Variants in DTHD1 observed in about 807,000 individuals in gnomAD.
The protein encoded by DTHD1 is death domain containing 1.
In DTHD1, 59 loss-of-function variants were observed where a neutral mutation model predicts 74.8. That is an observed-to-expected ratio of 0.79 (90% CI 0.64 to 0.98). The LOEUF (loss-of-function observed/expected upper bound fraction) is 0.98. Ranked by LOEUF, DTHD1 falls within the 50% of genes least tolerant of loss-of-function variation. The probability of loss-of-function intolerance (pLI) is 0.00; values close to 1 mark genes in which losing one functional copy is unlikely to be tolerated. For missense variants in DTHD1, 1,051 were observed against 1,065.4 expected, an observed-to-expected ratio of 0.99 and a Z score of 0.19; for synonymous variants, 365 against 371.1, an observed-to-expected ratio of 0.98 and a Z score of 0.19.
intron 2 of DTHD1, among the ~76,000 whole-genome samples, chr4:36,289,262 G>T (rs1317288805): frequency 6.6e-6 from 1 of 152,114 alleles, no homozygotes; most frequent in Non-Finnish European, 1.5e-5. Flanking sequence ...TTTTAATGTA[G>T]AAAATCAGAA....
In DTHD1 at chr4:36,284,047, A is replaced by G; in HGVS notation, c.343A>G (p.Lys115Glu). The change falls in exon 2 of 10, where the codon AAA becomes GAA. Residue 115 changes from lysine to glutamate, a missense_variant. Transcript: ENST00000639862. ...GGGGAGCACTGCTGCACTTCTAAAG[A>G]AAGAAGAAAAGGAGATTTGTAATTT... ...HLGSTAALLK[K>E]EEKEICNLCG... is the part of the protein sequence containing the mutation. 1 of 1,537,224 alleles carries G rather than the reference A, an allele frequency of 6.5e-7. No individual in the cohort carries two copies. Among genetic ancestry groups the G allele is most frequent in the Non-Finnish European group, 8.7e-7 (1 of 1,146,880 alleles).
intron 8 of DTHD1, among the ~76,000 whole-genome samples, chr4:36,327,482 AAT>A: frequency 6.6e-6 from 1 of 152,316 alleles, no homozygotes; most frequent in Non-Finnish European, 1.5e-5. Flanking sequence ...TTTAAGAAGT[AAT>A]AGCGTCTTCC....
intron 7 of DTHD1, among the ~76,000 whole-genome samples, chr4:36,313,427 A>AAG (rs1478685406): frequency 2.0e-5 from 3 of 151,786 alleles, no homozygotes; most frequent in African/African-American, 4.8e-5. Context: ...GAAAAAAAAA[A>AAG]AAAAACAGAG....
chr4:36,290,943 C>A (rs55854099), intron 3 of DTHD1, among the ~76,000 whole-genome samples: 1 of 152,140 alleles, frequency 6.6e-6, no homozygotes, highest in Non-Finnish European at 1.5e-5. Context: ...TTATTTTTTT[C>A]ACCTAGGAAA....
intron 8 of DTHD1, among the ~76,000 whole-genome samples, chr4:36,330,511 AT>A (rs1758600847): frequency 6.6e-6 from 1 of 152,182 alleles, no homozygotes; most frequent in Non-Finnish European, 1.5e-5. Flanking sequence ...TATATGCCAT[AT>A]TATACTTCAA....
chr4:36,342,187 A>G (rs1186776481), intron 9 of DTHD1, among the ~76,000 whole-genome samples: 1 of 152,208 alleles, frequency 6.6e-6, no homozygotes, highest in Non-Finnish European at 1.5e-5. Flanking sequence ...CCCAGATAAC[A>G]TGGACTTCAA....
chr4:36,328,827 T>A lies in DTHD1; in HGVS notation c.2341-10285T>A, dbSNP rs567512438. Reference sequence around the variant, plus strand: ...CAGCCCCTATTCCCTATTTTCCTACTGACTCAATATTTTTTTTCTTTTTGC... The same window carrying A: ...CAGCCCCTATTCCCTATTTTCCTACAGACTCAATATTTTTTTTCTTTTTGC... On this transcript the variant is annotated intron_variant, in intron 8 of 9. Transcript: ENST00000639862. Among the ~76,000 whole-genome samples, 8 of 152,350 alleles carry A rather than the reference T, an allele frequency of 5.3e-5. No homozygotes were observed. In the East Asian group the frequency reaches 1.5e-3, roughly 29 times the overall value.
At chr4:36,319,864 G>C (rs1757954750) in intron 8 of DTHD1, among the ~76,000 whole-genome samples, 1 of 152,192 alleles carries the variant, frequency 6.6e-6, no homozygotes, top group Non-Finnish European at 1.5e-5. Flanking sequence ...TGTTTTGCTT[G>C]TAACACACCA....
chr4:36,340,962 G>T (rs951320563), intron 9 of DTHD1, among the ~76,000 whole-genome samples: 3 of 152,080 alleles, frequency 2.0e-5, no homozygotes, highest in Non-Finnish European at 4.4e-5. Context: ...GAGGCCAGGG[G>T]CTCCAAGGAG....
intron 7 of DTHD1, among the ~76,000 whole-genome samples, chr4:36,310,204 G>A (rs1321076005): frequency 6.6e-6 from 1 of 152,064 alleles, no homozygotes; most frequent in Admixed American, 6.6e-5. Context: ...ATGATTATAT[G>A]ACAGTGATGA....
intron 3 of DTHD1, among the ~76,000 whole-genome samples, chr4:36,291,092 G>A (rs11725847): frequency 0.18 from 27,391 of 152,060 alleles, 2,985 homozygotes; most frequent in Non-Finnish European, 0.24. Flanking sequence ...TATTATCCAC[G>A]GGTTGGGAAA....
At position 36,284,343 on chromosome 4, in the gene DTHD1, A is replaced by C. The variant is rs1435069707; in HGVS notation, c.639A>C (p.Pro213=). The C allele has an allele frequency of 2.0e-6, 3 of 1,537,092 alleles. No homozygotes were observed. Among genetic ancestry groups the C allele is most frequent in the Non-Finnish European group, 2.6e-6 (3 of 1,146,860 alleles). The change falls in exon 2 of 10, where the codon CCA becomes CCC. Residue 213 remains proline, a synonymous_variant. Coordinates refer to ENST00000639862, the MANE Select transcript of DTHD1 (RefSeq NM_001170700.3). ...GQEESQNKMF[P]DNAENEDDKQ... ...AAGAGTCACAGAATAAAATGTTCCC[A>C]GATAATGCAGAAAATGAAGATGATA...
chr4:36,306,185 A>T lies in DTHD1; in HGVS notation c.1644-6A>T. The stretch of plus-strand genomic sequence containing the variant: ...TACCAATATCTCTTCTGTTACCATT[A>T]TATAGGACAAAAATTGCCTCCATAA... On this transcript the variant is annotated splice_polypyrimidine_tract_variant and splice_region_variant and intron_variant, in intron 5 of 9. Transcript: ENST00000639862. 1.3e-6 allele frequency: 2 copies of T among 1,550,900 alleles called. No individual in the cohort carries two copies.
intron 5 of DTHD1, among the ~76,000 whole-genome samples, chr4:36,296,469 A>G (rs1756404737): frequency 6.6e-6 from 1 of 152,154 alleles, no homozygotes; most frequent in Non-Finnish European, 1.5e-5. Flanking sequence ...TTTATATGAA[A>G]GAGAGATAAT....
At chr4:36,300,397 CTTACAG>C (rs1021288037) in intron 5 of DTHD1, among the ~76,000 whole-genome samples, 1 of 152,164 alleles carries the variant, frequency 6.6e-6, no homozygotes, top group Non-Finnish European at 1.5e-5. Flanking sequence ...TTGATTATTG[CTTACAG>C]TTTGATACTC....
At chr4:36,342,569 G>C (rs1759373470) in intron 9 of DTHD1, among the ~76,000 whole-genome samples, 1 of 152,108 alleles carries the variant, frequency 6.6e-6, no homozygotes. Context: ...GGAGTCAACA[G>C]AGGACGGCCC....
chr4:36,300,411 C>T (rs577395369), intron 5 of DTHD1, among the ~76,000 whole-genome samples: 70 of 152,322 alleles, frequency 4.6e-4, no homozygotes, highest in African/African-American at 1.6e-3. Context: ...CAGTTTGATA[C>T]TCCTGCATCT....
chr4:36,310,540 G>A (rs534968697), intron 7 of DTHD1, among the ~76,000 whole-genome samples: 2 of 152,130 alleles, frequency 1.3e-5, no homozygotes, highest in Non-Finnish European at 2.9e-5. Context: ...GTTCCAGGAG[G>A]CTTTCTACAT....
chr4:36,342,550 A>G (rs1759372306), intron 9 of DTHD1, among the ~76,000 whole-genome samples: 1 of 152,164 alleles, frequency 6.6e-6, no homozygotes, highest in Admixed American at 6.5e-5. Flanking sequence ...CCATAACAAC[A>G]GGTGAACAGG....
Sources: gnomAD v4.1 joint callset for allele counts (sites outside exome capture counted in the v4.1 genomes callset) on GRCh38, gnomAD v4.1.1 for gene constraint, MANE v1.5 for transcripts, NCBI Gene and HGNC (gene_info 2026-07-23, HGNC 2026-07-21) for gene names.